DGKH: variants seen among roughly 807,000 people sequenced by gnomAD.
DGKH encodes the protein DAG kinase eta.
In DGKH, 90 loss-of-function variants were observed where a neutral mutation model predicts 159.3. That is an observed-to-expected ratio of 0.57 (90% CI 0.48 to 0.67). DGKH has a LOEUF of 0.67. DGKH is among the 30% of genes least tolerant of loss of function. The pLI is 0.00. For missense variants in DGKH, 1,181 were observed against 1,506.1 expected (o/e 0.78, Z 3.57); for synonymous variants, 536 against 553.8 (o/e 0.97, Z 0.45).
chr13:42,188,055 G>A (rs996510435), intron 14 of DGKH, among the ~76,000 whole-genome samples: 2 of 152,178 alleles, frequency 1.3e-5, no homozygotes, highest in Non-Finnish European at 1.5e-5. Context: ...GTTTAATTGA[G>A]TGGAAGAAAA....
At chr13:42,190,861 A>T (rs1957046257) in intron 16 of DGKH, among the ~76,000 whole-genome samples, 1 of 152,196 alleles carries the variant, frequency 6.6e-6, no homozygotes, top group South Asian at 2.1e-4. Context: ...ATTATAGCTC[A>T]CAGATTTCTT....
intron 3 of DGKH, among the ~76,000 whole-genome samples, chr13:42,145,973 A>G (rs901847959): frequency 2.0e-5 from 3 of 152,034 alleles, no homozygotes; most frequent in Non-Finnish European, 4.4e-5. Context: ...TGGTCATTTT[A>G]TTTTTCAAAA....
chr13:42,081,702 T>G (rs937103560), intron 1 of DGKH, among the ~76,000 whole-genome samples: 1 of 152,252 alleles, frequency 6.6e-6, no homozygotes, highest in Non-Finnish European at 1.5e-5. Context: ...TCTTCTGATA[T>G]GTCCCCAGCA....
chr13:42,042,777 A>G (rs1454746819), intron 1 of DGKH, among the ~76,000 whole-genome samples: 1 of 152,128 alleles, frequency 6.6e-6, no homozygotes, highest in Non-Finnish European at 1.5e-5. Context: ...GATCATGGCT[A>G]TGTGGCATAA....
At chr13:42,249,426 A>C (rs1291877758) in intron 29 of DGKH, among the ~76,000 whole-genome samples, 3 of 152,170 alleles carry the variant, frequency 2.0e-5, no homozygotes, top group African/African-American at 7.2e-5. Context: ...AAACAAACAA[A>C]CAAACAAAAA....
chr13:42,069,243 T>C, intron 1 of DGKH: 1 of 1,119,564 alleles, frequency 8.9e-7, no homozygotes, highest in Non-Finnish European at 1.3e-6. Flanking sequence ...CTTAACTTGT[T>C]CATCCTTTCT....
chr13:42,156,160 CTTTCA>C (rs1478173351), intron 5 of DGKH, among the ~76,000 whole-genome samples: 1 of 152,126 alleles, frequency 6.6e-6, no homozygotes, highest in East Asian at 1.9e-4. Flanking sequence ...ATATTGTTTT[CTTTCA>C]TTTCATTTGT....
intron 26 of DGKH, chr13:42,216,470 C>A (rs1191674056): frequency 1.3e-5 from 2 of 151,494 alleles, no homozygotes; most frequent in African/African-American, 2.4e-5. Context: ...CTTGGTTGGG[C>A]AAATCTACAC....
chr13:42,184,213 C>A (rs1956849340), intron 13 of DGKH, among the ~76,000 whole-genome samples: 1 of 152,136 alleles, frequency 6.6e-6, no homozygotes, highest in African/African-American at 2.4e-5. Context: ...CAAATTGGAA[C>A]TTTTTATTAG....
At chr13:42,249,962 T>C (rs1178925725) in intron 29 of DGKH, among the ~76,000 whole-genome samples, 1 of 151,440 alleles carries the variant, frequency 6.6e-6, no homozygotes, top group African/African-American at 2.4e-5. Context: ...CCAGCTCCAG[T>C]TTTTTTGTTT....
chr13:42,165,284 A>G (rs781532969), intron 7 of DGKH, 47 bp from the exon 8 acceptor site: 99 of 1,044,716 alleles, frequency 9.5e-5, no homozygotes, highest in Non-Finnish European at 1.3e-4. Context: ...TTATAATGGC[A>G]GAACATTATT....
At position 42,234,432 on chromosome 13, in the gene DGKH, C is replaced by T. The variant is rs1958373954; in HGVS notation, c.*5244C>T. On this transcript the variant is annotated 3_prime_UTR_variant, in exon 30 of 30. Coordinates refer to ENST00000337343, the MANE Select transcript of DGKH (RefSeq NM_178009.5). ...CTGGGCTGTCAACATAGTGGACTTT[C>T]ATGTTCTATGGATATGAATTCTTTA... 2.0e-5 allele frequency: 3 copies of T among 152,160 alleles called. No homozygotes were observed. The highest frequency in any genetic ancestry group is 2.0e-4 in the Admixed American group (3 of 15,288). The allele number at this position is 152,160 out of a possible 1,614,324, so 9.4% of individuals were successfully genotyped here. A position where few individuals can be genotyped will look rare whatever the true frequency, so the allele number is the denominator to read the frequency against.
intron 1 of DGKH, among the ~76,000 whole-genome samples, chr13:42,065,875 A>G (rs1438924848): frequency 1.3e-5 from 2 of 152,236 alleles, no homozygotes; most frequent in East Asian, 3.9e-4. Context: ...AAGCAATGTG[A>G]TCATATGATA....
At chr13:42,116,758 A>G (rs1193194880) in intron 1 of DGKH, among the ~76,000 whole-genome samples, 1 of 152,220 alleles carries the variant, frequency 6.6e-6, no homozygotes, top group Non-Finnish European at 1.5e-5. Context: ...TGGAGCATCC[A>G]TGTGTGTATA....
intron 25 of DGKH, among the ~76,000 whole-genome samples, chr13:42,215,101 A>G (rs1957755087): frequency 6.6e-6 from 1 of 152,080 alleles, no homozygotes; most frequent in Non-Finnish European, 1.5e-5. Flanking sequence ...TGGATAGAAT[A>G]TAACTCTTAA....
chr13:42,198,494 G>T lies in DGKH; in HGVS notation c.2184G>T (p.Leu728=). The change falls in exon 18 of 30, where the codon CTG becomes CTT. Residue 728 remains leucine, a synonymous_variant. Coordinates refer to ENST00000337343, the MANE Select transcript of DGKH (RefSeq NM_178009.5). ...TCTTTCCAGGTTTAAGAGCAGGACT[G>T]GCTGCCTCAATTGCTGGGAGTTCGA... The part of the protein sequence containing the change: ...RIICPGLRAG[L]AASIAGSSII... 1 of 1,613,738 alleles carries T rather than the reference G, an allele frequency of 6.2e-7. No homozygotes were observed. Among genetic ancestry groups the T allele is most frequent in the Non-Finnish European group, 8.5e-7 (1 of 1,179,780 alleles).
intron 26 of DGKH, among the ~76,000 whole-genome samples, chr13:42,217,405 A>G (rs980951939): frequency 6.8e-6 from 1 of 147,500 alleles, no homozygotes; most frequent in Non-Finnish European, 1.5e-5. Context: ...ATGCCTGGCA[A>G]TTTTTTTTTT....
chr13:42,256,255 C>T, intron 30 of DGKH: 4 of 1,580,864 alleles, frequency 2.5e-6, no homozygotes, highest in Non-Finnish European at 3.5e-6. Flanking sequence ...ATGTGTTACA[C>T]TCAGCCAGGC....
chr13:42,065,966 T>G (rs188626012), intron 1 of DGKH: 4 of 152,376 alleles, frequency 2.6e-5, no homozygotes, highest in East Asian at 3.9e-4. Flanking sequence ...GGTGTGATCT[T>G]GGCTCACTGC....
Sources: gnomAD v4.1 joint callset for allele counts (sites outside exome capture counted in the v4.1 genomes callset) on GRCh38, gnomAD v4.1.1 for gene constraint, MANE v1.5 for transcripts, NCBI Gene and HGNC (gene_info 2026-07-23, HGNC 2026-07-21) for gene names.